The following CSMD1 variants were observed in gnomAD, a reference collection of about 807,000 sequenced individuals.
The protein encoded by CSMD1 is CUB and Sushi multiple domains 1, also known as CUB and sushi domain-containing protein 1.
In CSMD1, 213 loss-of-function variants were observed where a neutral mutation model predicts 417.5. The ratio of observed to expected loss-of-function variants is 0.51; its 90% CI spans 0.46 to 0.57. The LOEUF (loss-of-function observed/expected upper bound fraction) is 0.57. CSMD1 is among the 20% of genes least tolerant of loss of function. CSMD1 has a pLI of 0.00. For synonymous variants in CSMD1, 2,862 were observed against 1,736.8 expected (o/e 1.65, Z -16.11); for missense variants, 6,923 against 4,529.7 (o/e 1.53, Z -15.17).
chr8:4,846,286 G>C (rs935410799), intron 1 of CSMD1, among the ~76,000 whole-genome samples: 1 of 152,120 alleles, frequency 6.6e-6, no homozygotes, highest in African/African-American at 2.4e-5. Flanking sequence ...TCTTTAACTT[G>C]TTATTTCCAT....
rs534353474 is a variant in CSMD1 at position 4,027,759 on chromosome 8, A to C, written c.610+4146T>G. ...AGCCAGTCTGTTTGAGAAGGGAAAT[A>C]AATAACTAAAATAACATAGTAAAGG... On this transcript the variant is annotated intron_variant, in intron 4 of 69. Transcript: ENST00000635120. 2.0e-4 allele frequency among the ~76,000 whole-genome samples: 30 copies of C among 152,348 alleles called. 2 individuals carry two copies. In the South Asian group the frequency reaches 6.2e-3, roughly 32 times the overall value.
At chr8:4,100,956 T>C (rs1263230568) in intron 3 of CSMD1, among the ~76,000 whole-genome samples, 1 of 152,224 alleles carries the variant, frequency 6.6e-6, no homozygotes, top group Admixed American at 6.5e-5. Context: ...GTATTGTCTG[T>C]AATCACTCCA....
intron 2 of CSMD1, among the ~76,000 whole-genome samples, chr8:4,519,932 T>TGC (rs533012308): frequency 5.4e-5 from 3 of 55,188 alleles, no homozygotes; most frequent in East Asian, 8.8e-4. Flanking sequence ...TGTGTGTGTG[T>TGC]GTGCGTGTGT....
chr8:3,494,785 A>G (rs1190494516), intron 10 of CSMD1, among the ~76,000 whole-genome samples: 1 of 152,192 alleles, frequency 6.6e-6, no homozygotes, highest in East Asian at 1.9e-4. Context: ...CAGAAACCAT[A>G]ATACTGGAAG....
At chr8:3,308,082 C>T (rs574411275) in intron 24 of CSMD1, among the ~76,000 whole-genome samples, 1 of 109,400 alleles carries the variant, frequency 9.1e-6, no homozygotes, top group Non-Finnish European at 2.0e-5. Context: ...TGTGATAATT[C>T]TAATAATAAC....
chr8:3,519,099 C>G (rs191607515), intron 10 of CSMD1, among the ~76,000 whole-genome samples: 1 of 152,166 alleles, frequency 6.6e-6, no homozygotes, highest in Non-Finnish European at 1.5e-5. Flanking sequence ...GCCTCACTGT[C>G]CCCTGTGCAA....
rs1235888123 is a variant in CSMD1 at position 3,032,413 on chromosome 8, C to T, written c.7661-2900G>A. On this transcript the variant is annotated intron_variant, in intron 50 of 69. Transcript: ENST00000635120. The stretch of plus-strand genomic sequence containing the variant: ...GTCTCCATGCACCCCTGCGTTCATA[C>T]AAAAACAGTGCCAACAGCCCCCACG... Among the ~76,000 whole-genome samples, 3 of 151,946 alleles carry T rather than the reference C, an allele frequency of 2.0e-5. 1 individual carries two copies. Among genetic ancestry groups the T allele is most frequent in the Non-Finnish European group, 4.4e-5 (3 of 67,962 alleles).
At chr8:4,984,180 T>C (rs1414969482) in intron 1 of CSMD1, among the ~76,000 whole-genome samples, 1 of 152,176 alleles carries the variant, frequency 6.6e-6, no homozygotes, top group Non-Finnish European at 1.5e-5. Context: ...TGGAGGTCAT[T>C]AGAAAAACTC....
In CSMD1 at chr8:4,764,168, C is replaced by A. The variant is rs370545838; in HGVS notation, c.86-126610G>T. On this transcript the variant is annotated intron_variant, in intron 1 of 69. Coordinates refer to ENST00000635120, the MANE Select transcript of CSMD1 (RefSeq NM_033225.6). ...TTTTCTTGCTTTCTCTAAGGAGCAC[C>A]CACTGCTGAAATCATGAGAGTGACC... Among the ~76,000 whole-genome samples the A allele has an allele frequency of 6.6e-5, 10 of 152,232 alleles. No individual in the cohort carries two copies. In the East Asian group the frequency reaches 1.7e-3, roughly 27 times the overall value.
At chr8:4,710,389 TATA>T (rs1322977851) in intron 1 of CSMD1, among the ~76,000 whole-genome samples, 1 of 148,216 alleles carries the variant, frequency 6.7e-6, no homozygotes, top group Non-Finnish European at 1.5e-5. Flanking sequence ...TAAATAAAAA[TATA>T]TTATTAAATA....
chr8:3,311,693 A>G (rs1458701468), intron 23 of CSMD1, among the ~76,000 whole-genome samples: 1 of 152,206 alleles, frequency 6.6e-6, no homozygotes, highest in Non-Finnish European at 1.5e-5. Context: ...ACATCATTAT[A>G]AAGTTGAAAA....
intron 5 of CSMD1, among the ~76,000 whole-genome samples, chr8:3,895,871 T>G (rs898256857): frequency 1.3e-5 from 2 of 152,180 alleles, no homozygotes; most frequent in Non-Finnish European, 2.9e-5. Context: ...ATGGGAATAG[T>G]CAGGTTAACC....
chr8:4,602,799 G>C (rs1288682781), intron 2 of CSMD1, among the ~76,000 whole-genome samples: 3 of 151,744 alleles, frequency 2.0e-5, no homozygotes, highest in African/African-American at 4.8e-5. Flanking sequence ...TACAATGACT[G>C]GATTTTTTAG....
intron 3 of CSMD1, among the ~76,000 whole-genome samples, chr8:4,126,867 G>A (rs1802793566): frequency 6.6e-6 from 1 of 152,114 alleles, no homozygotes; most frequent in Admixed American, 6.5e-5. Context: ...ATCAGTCCCA[G>A]GACCACAGCA....
At chr8:2,990,635 G>A (rs1000963379) in intron 54 of CSMD1, among the ~76,000 whole-genome samples, 7 of 152,162 alleles carry the variant, frequency 4.6e-5, no homozygotes, top group Non-Finnish European at 2.9e-5. Context: ...CTCTGTGAGC[G>A]ATTCCATTCC....
intron 1 of CSMD1, among the ~76,000 whole-genome samples, chr8:4,977,019 G>A (rs1412624967): frequency 6.6e-6 from 1 of 152,110 alleles, no homozygotes; most frequent in Non-Finnish European, 1.5e-5. Context: ...TACTCGAACT[G>A]ACCATATTAT....
intron 3 of CSMD1, among the ~76,000 whole-genome samples, chr8:4,199,311 T>C (rs1387479758): frequency 6.6e-6 from 1 of 152,172 alleles, no homozygotes; most frequent in African/African-American, 2.4e-5. Flanking sequence ...ATGGGTGCTT[T>C]TTCATAGTTT....
At chr8:3,213,682 T>C (rs958271813) in intron 30 of CSMD1, among the ~76,000 whole-genome samples, 2 of 123,904 alleles carry the variant, frequency 1.6e-5, no homozygotes, top group African/African-American at 4.9e-5. Flanking sequence ...TATATATGTG[T>C]GTGTGTATGT....
At chr8:3,414,904 G>C (rs1209107990) in intron 12 of CSMD1, among the ~76,000 whole-genome samples, 1 of 152,104 alleles carries the variant, frequency 6.6e-6, no homozygotes, top group Non-Finnish European at 1.5e-5. Flanking sequence ...TATCCTACGT[G>C]TCTCTAGCAC....
Sources: gnomAD v4.1 joint callset for allele counts (sites outside exome capture counted in the v4.1 genomes callset) on GRCh38, gnomAD v4.1.1 for gene constraint, MANE v1.5 for transcripts, NCBI Gene and HGNC (gene_info 2026-07-23, HGNC 2026-07-21) for gene names.